Variants in TAOK3 observed in about 807,000 individuals in gnomAD.
TAOK3 encodes serine/threonine-protein kinase TAO3.
TAOK3 carries 40 observed loss-of-function variants against 120.4 expected under a neutral mutation model. That is an observed-to-expected ratio of 0.33 (90% CI 0.26 to 0.43). TAOK3 has a LOEUF of 0.43. TAOK3 is among the 20% of genes least tolerant of loss of function. TAOK3 has a pLI of 1.00. For missense variants in TAOK3, 821 were observed against 1,112.1 expected (o/e 0.74, Z 3.72); for synonymous variants, 355 against 387.5 (o/e 0.92, Z 0.99).
At chr12:118,351,537 T>C (rs533321820) in intron 1 of TAOK3, among the ~76,000 whole-genome samples, 2 of 152,326 alleles carry the variant, frequency 1.3e-5, no homozygotes, top group South Asian at 4.1e-4. Flanking sequence ...CTCTTACATA[T>C]ATAAAACATT....
rs142012315 is a variant in TAOK3 at position 118,320,176 on chromosome 12, G to T, written c.-194+52472C>A. ...CATACAGACAGAAAAATAGATAAGG[G>T]CCTAGGCAGAGAGGGGGAAATGGGG... On this transcript the variant is annotated intron_variant, in intron 1 of 20. Transcript: ENST00000392533. Among the ~76,000 whole-genome samples the T allele has an allele frequency of 1.2e-3, 189 of 152,258 alleles. 1 individual carries two copies. The highest frequency in any genetic ancestry group is 3.9e-3 in the African/African-American group (160 of 41,548).
intron 13 of TAOK3, among the ~76,000 whole-genome samples, chr12:118,197,682 CTTT>C (rs67635506): frequency 1.9e-4 from 17 of 90,774 alleles, no homozygotes; most frequent in African/African-American, 5.2e-4. Context: ...GCAAAACCTT[CTTT>C]TTTTTTTTTT....
chr12:118,215,419 G>A (rs1221817844), intron 9 of TAOK3, among the ~76,000 whole-genome samples: 2 of 151,450 alleles, frequency 1.3e-5, no homozygotes, highest in Non-Finnish European at 2.9e-5. Context: ...GGCTGAGGCA[G>A]GAGAATGGCA....
intron 16 of TAOK3, 133 bp from the exon 17 acceptor site, chr12:118,172,793 C>A: frequency 2.6e-6 from 2 of 766,022 alleles, no homozygotes; most frequent in Non-Finnish European, 2.2e-6. Flanking sequence ...TGTTGCACAT[C>A]CTTCCCCCAA....
At chr12:118,302,080 G>GT (rs2042903265) in intron 1 of TAOK3, among the ~76,000 whole-genome samples, 1 of 152,012 alleles carries the variant, frequency 6.6e-6, no homozygotes, top group Non-Finnish European at 1.5e-5. Flanking sequence ...ATCTGTTTTG[G>GT]TTTTTTTGTC....
intron 17 of TAOK3, among the ~76,000 whole-genome samples, chr12:118,171,471 C>T (rs1205178206): frequency 2.6e-5 from 4 of 152,230 alleles, no homozygotes; most frequent in Non-Finnish European, 4.4e-5. Context: ...ATTCTCCTGC[C>T]TCAGTCTCCT....
intron 8 of TAOK3, among the ~76,000 whole-genome samples, chr12:118,233,986 C>T (rs932683002): frequency 1.3e-5 from 2 of 152,066 alleles, no homozygotes; most frequent in Non-Finnish European, 2.9e-5. Context: ...ACTGGCTCCA[C>T]CCCTTACTAT....
intron 15 of TAOK3, among the ~76,000 whole-genome samples, chr12:118,177,602 T>A (rs1463736934): frequency 1.3e-5 from 2 of 151,930 alleles, no homozygotes; most frequent in Non-Finnish European, 1.5e-5. Flanking sequence ...GGCAGGCAGA[T>A]CACCTGAGGT....
chr12:118,356,895 C>T (rs142817799), intron 1 of TAOK3, among the ~76,000 whole-genome samples: 176 of 152,290 alleles, frequency 1.2e-3, no homozygotes, highest in South Asian at 4.3e-3. Context: ...GCACACCAAC[C>T]TGGGTGACAG....
intron 1 of TAOK3, among the ~76,000 whole-genome samples, chr12:118,267,586 A>G (rs2041507261): frequency 6.6e-6 from 1 of 151,408 alleles, no homozygotes; most frequent in South Asian, 2.1e-4. Flanking sequence ...GGAAATACAC[A>G]TTATTAAGAA....
chr12:118,321,124 AG>A (rs1402088325), intron 1 of TAOK3, among the ~76,000 whole-genome samples: 11 of 152,210 alleles, frequency 7.2e-5, no homozygotes, highest in Non-Finnish European at 1.2e-4. Context: ...GCTATATGTT[AG>A]GGAAAAGGTT....
chr12:118,269,349 T>C (rs1364973405), intron 1 of TAOK3, among the ~76,000 whole-genome samples: 1 of 150,848 alleles, frequency 6.6e-6, no homozygotes, highest in Non-Finnish European at 1.5e-5. Flanking sequence ...TCTAAATAGT[T>C]ACATAATTAA....
At chr12:118,348,564 C>T (rs2044982853) in intron 1 of TAOK3, among the ~76,000 whole-genome samples, 1 of 151,578 alleles carries the variant, frequency 6.6e-6, no homozygotes, top group African/African-American at 2.4e-5. Context: ...CATTCTCCTG[C>T]CTCAACTACC....
chr12:118,151,878 A>G (rs1213944283), intron 20 of TAOK3, among the ~76,000 whole-genome samples: 1 of 152,144 alleles, frequency 6.6e-6, no homozygotes, highest in African/African-American at 2.4e-5. Flanking sequence ...TCTATTGTAC[A>G]TTTGGCTTCC....
intron 1 of TAOK3, among the ~76,000 whole-genome samples, chr12:118,270,166 G>A (rs1397297601): frequency 1.3e-5 from 2 of 151,942 alleles, no homozygotes; most frequent in Non-Finnish European, 2.9e-5. Flanking sequence ...ATATCTATTC[G>A]GCTTCTCCCC....
chr12:118,226,164 A>T (rs1380026565), intron 9 of TAOK3, among the ~76,000 whole-genome samples: 2 of 152,238 alleles, frequency 1.3e-5, no homozygotes, highest in Non-Finnish European at 2.9e-5. Context: ...TCACAAGGTC[A>T]GGAGATCGAG....
chr12:118,341,900 G>A (rs976504913), intron 1 of TAOK3, among the ~76,000 whole-genome samples: 1 of 152,142 alleles, frequency 6.6e-6, no homozygotes, highest in African/African-American at 2.4e-5. Context: ...GGCACACCTT[G>A]TAGTTCCAGC....
rs547687073 is a variant in TAOK3, at chr12:118,343,537, T to C, written c.-194+29111A>G. 2.0e-5 allele frequency among the ~76,000 whole-genome samples: 3 copies of C among 152,106 alleles called. No homozygotes were observed. In the South Asian group the frequency reaches 6.2e-4, roughly 32 times the overall value. Reference sequence around the variant, plus strand: ...CCAGTAAAACAATTTAAGATACTAGTTGAGCATTTGATATGTGCAGGGAAC... The same window carrying C: ...CCAGTAAAACAATTTAAGATACTAGCTGAGCATTTGATATGTGCAGGGAAC... On this transcript the variant is annotated intron_variant, in intron 1 of 20. Coordinates refer to ENST00000392533, the MANE Select transcript of TAOK3 (RefSeq NM_016281.4).
intron 9 of TAOK3, among the ~76,000 whole-genome samples, chr12:118,216,447 T>A (rs1264565972): frequency 6.6e-6 from 1 of 152,216 alleles, no homozygotes; most frequent in Non-Finnish European, 1.5e-5. Flanking sequence ...AAAGAAATCA[T>A]AAGCTCTAAG....
Sources: gnomAD v4.1 joint callset for allele counts (sites outside exome capture counted in the v4.1 genomes callset) on GRCh38, gnomAD v4.1.1 for gene constraint, MANE v1.5 for transcripts, NCBI Gene and HGNC (gene_info 2026-07-23, HGNC 2026-07-21) for gene names.